Variants in ANXA2 observed in about 807,000 individuals in gnomAD.
ANXA2 encodes the protein annexin II.
A neutral mutation model predicts 47.3 loss-of-function variants in ANXA2; 28 were observed. That is an observed-to-expected ratio of 0.59 (90% CI 0.44 to 0.81). ANXA2 has a LOEUF of 0.81. Among genes scored for constraint, ANXA2 ranks in the 40% least tolerant of loss-of-function variants. The pLI is 0.00. For missense variants in ANXA2, 384 were observed against 414.3 expected, an observed-to-expected ratio of 0.93 and a Z score of 0.64; for synonymous variants, 172 against 155.5, an observed-to-expected ratio of 1.11 and a Z score of -0.79.
chr15:60,376,730 C>G (rs562252804), intron 3 of ANXA2, among the ~76,000 whole-genome samples: 76 of 152,274 alleles, frequency 5.0e-4, no homozygotes, highest in African/African-American at 1.6e-3. Context: ...GCAGCCATGC[C>G]CTGGCCATGG....
At position 60,347,405 on chromosome 15, in the gene ANXA2, A is replaced by G. The variant is rs1360277168; in HGVS notation, c.*225T>C. The G allele has an allele frequency of 1.7e-6, 1 of 592,480 alleles. No homozygotes were observed. Among genetic ancestry groups the G allele is most frequent in the Non-Finnish European group, 3.0e-6 (1 of 332,616 alleles). 36.7% of individuals were successfully genotyped at this position (592,480 alleles called of 1,614,324 possible). On this transcript the variant is annotated 3_prime_UTR_variant, in exon 13 of 13. Transcript: ENST00000451270. ...CAGGAGGCAAAGTGTTTCACATCAT[A>G]GACTTCACTTCCAACTCCTTGGAAT...
intron 7 of ANXA2, chr15:60,355,559 GA>G: frequency 2.8e-6 from 1 of 359,148 alleles, no homozygotes; most frequent in Non-Finnish European, 5.3e-6. Context: ...TAAACGCAGT[GA>G]AAAAGAAACC....
chr15:60,375,365 T>C (rs1473093180), intron 3 of ANXA2, among the ~76,000 whole-genome samples: 1 of 152,188 alleles, frequency 6.6e-6, no homozygotes, highest in Non-Finnish European at 1.5e-5. Flanking sequence ...TGTACCAGTT[T>C]ATTGGCACTT....
intron 3 of ANXA2, among the ~76,000 whole-genome samples, chr15:60,372,781 C>A (rs1451732995): frequency 4.6e-5 from 7 of 150,750 alleles, no homozygotes; most frequent in African/African-American, 1.7e-4. Context: ...GTAGCCTCGA[C>A]CTCCTGGGCC....
intron 3 of ANXA2, among the ~76,000 whole-genome samples, chr15:60,378,524 T>A (rs1395983879): frequency 6.6e-6 from 1 of 152,218 alleles, no homozygotes; most frequent in Non-Finnish European, 1.5e-5. Context: ...ATGCTAATAT[T>A]AGCACTGAGC....
Position 60,364,469 on chromosome 15 carries a change from CT to C in ANXA2, c.202del (p.Arg68AspfsTer20). The C allele has an allele frequency of 6.2e-7, 1 of 1,613,496 alleles. No homozygotes were observed. On this transcript the variant is annotated frameshift_variant, in exon 4 of 13. Transcript: ENST00000451270. LOFTEE classifies it high-confidence loss of function. ...NILTNRSNAQ[R>X]QDIAFAYQRR... ...CTGGTAGGCGAAGGCAATATCCTGTCTCTGTGCATTGCTGCGGTTGGTCAAA... is the reference window on the plus strand; with the variant it reads ...CTGGTAGGCGAAGGCAATATCCTGTCCTGTGCATTGCTGCGGTTGGTCAAA...
intron 3 of ANXA2, among the ~76,000 whole-genome samples, chr15:60,381,488 ACATC>A (rs113493076): frequency 8.8e-4 from 134 of 152,304 alleles, no homozygotes; most frequent in African/African-American, 3.1e-3. Flanking sequence ...GAAAGTCTGA[ACATC>A]CTATTTTGTA....
intron 11 of ANXA2, 89 bp from the exon 12 acceptor site, chr15:60,349,286 T>C: frequency 6.7e-7 from 1 of 1,482,284 alleles, no homozygotes; most frequent in South Asian, 1.2e-5. Flanking sequence ...GATCTGAAAA[T>C]CTGAAATCTA....
intron 1 of ANXA2, among the ~76,000 whole-genome samples, chr15:60,391,712 G>A (rs1400260900): frequency 6.6e-6 from 1 of 152,172 alleles, no homozygotes; most frequent in Non-Finnish European, 1.5e-5. Context: ...CCTACATGCT[G>A]TATGAGACAA....
intron 3 of ANXA2, among the ~76,000 whole-genome samples, chr15:60,378,283 T>C (rs2062808303): frequency 6.6e-6 from 1 of 152,202 alleles, no homozygotes; most frequent in African/African-American, 2.4e-5. Context: ...ATGTACACTT[T>C]ATATAGGCAA....
chr15:60,367,397 G>GGGA (rs1555401308), intron 3 of ANXA2, among the ~76,000 whole-genome samples: 1 of 86,354 alleles, frequency 1.2e-5, no homozygotes, highest in Non-Finnish European at 2.3e-5. Flanking sequence ...GGGAGGCGGG[G>GGGA]GGGGGTCGGC....
At chr15:60,369,169 C>T (rs1251581334) in intron 3 of ANXA2, among the ~76,000 whole-genome samples, 13 of 152,186 alleles carry the variant, frequency 8.5e-5, no homozygotes. Context: ...TAAGCTTTAA[C>T]TTATATTTTG....
At chr15:60,396,541 T>C (rs1448280106) in intron 1 of ANXA2, 2 of 152,048 alleles carry the variant, frequency 1.3e-5, no homozygotes, top group Non-Finnish European at 2.9e-5. Context: ...TCCAGAAAAA[T>C]ATTTCAGTGA....
intron 3 of ANXA2, among the ~76,000 whole-genome samples, chr15:60,370,351 A>C (rs1281489572): frequency 6.6e-6 from 1 of 152,210 alleles, no homozygotes; most frequent in Non-Finnish European, 1.5e-5. Context: ...TGCATGTTTC[A>C]AATTGAACTG....
intron 1 of ANXA2, among the ~76,000 whole-genome samples, chr15:60,387,311 T>C (rs114718240): frequency 0.018 from 2,764 of 152,268 alleles, 100 homozygotes; most frequent in African/African-American, 0.063. Context: ...GAAAAGTCAG[T>C]CAAAGACCTT....
chr15:60,348,036 G>A (rs181477426), intron 12 of ANXA2, among the ~76,000 whole-genome samples: 6 of 152,272 alleles, frequency 3.9e-5, no homozygotes, highest in South Asian at 2.1e-4. Context: ...TCTCGTCCTC[G>A]TCTTTCCACA....
intron 3 of ANXA2, among the ~76,000 whole-genome samples, chr15:60,379,304 TA>T (rs2062824093): frequency 1.3e-5 from 2 of 151,350 alleles, no homozygotes; most frequent in South Asian, 4.2e-4. Context: ...AAAAATAAAA[TA>T]AATAAAAAGT....
chr15:60,349,779 A>G (rs1895905578), intron 11 of ANXA2, among the ~76,000 whole-genome samples: 1 of 144,564 alleles, frequency 6.9e-6, no homozygotes, highest in South Asian at 2.4e-4. Flanking sequence ...GGAAGGAAGG[A>G]AGGAGAGAGA....
chr15:60,355,919 C>T lies in ANXA2; in HGVS notation c.528G>A (p.Lys176=). The T allele has an allele frequency of 1.2e-6, 2 of 1,613,920 alleles. No individual in the cohort carries two copies. The highest frequency in any genetic ancestry group is 1.7e-6 in the Non-Finnish European group (2 of 1,179,766). ...DFRKLMVALA[K]GRRAEDGSVI... is the part of the protein sequence containing the mutation. ...CAAAGAAAGAAACTGGGAAACCAAC[C>T]TTTGCCAGGGCAACCATCAGCTTGC... Residue 176 remains lysine (K), a splice_region_variant and synonymous_variant, in exon 7 of 13, where the codon AAG becomes AAA. Transcript: ENST00000451270.
Sources: allele counts gnomAD v4.1 joint callset (sites outside exome capture counted in the v4.1 genomes callset), GRCh38; gene constraint gnomAD v4.1.1; transcripts MANE v1.5; gene names NCBI Gene and HGNC (gene_info 2026-07-23, HGNC 2026-07-21).